The following SOX6 variants were observed in gnomAD, a reference collection of about 807,000 sequenced individuals.
SOX6 encodes the protein SRY-box transcription factor 6.
A neutral mutation model predicts 97.8 loss-of-function variants in SOX6; 11 were observed. That is an observed-to-expected ratio of 0.11 (90% CI 0.07 to 0.19). The LOEUF is 0.19. Ranked by LOEUF, SOX6 falls within the 10% of genes least tolerant of loss-of-function variation. The pLI is 1.00. For missense variants in SOX6, 810 were observed against 1,039.5 expected (o/e 0.78, Z 3.04); for synonymous variants, 360 against 371.4 (o/e 0.97, Z 0.35).
rs183188089 is a variant in SOX6 at position 16,442,365 on chromosome 11, T to C, written c.-5+33950A>G. On this transcript the variant is annotated intron_variant, in intron 1 of 15. Coordinates refer to the SOX6 transcript ENST00000396356. ...ACAAATATTGTAAAGCCTGACCTTA[T>C]GCTTATGTGAAAATGAAACCTGCCT... is the stretch of plus-strand genomic sequence containing the variant. 4.6e-3 allele frequency among the ~76,000 whole-genome samples: 700 copies of C among 152,248 alleles called. 5 individuals are homozygous for C. The highest frequency in any genetic ancestry group is 0.016 in the African/African-American group (677 of 41,568).
At chr11:16,712,974 C>T (rs1034471082) in intron 3 of SOX6, among the ~76,000 whole-genome samples, 2 of 152,112 alleles carry the variant, frequency 1.3e-5, no homozygotes, top group African/African-American at 4.8e-5. Flanking sequence ...ATCATGCTGC[C>T]ACCTTAAAGG....
At chr11:16,692,976 G>A (rs1026104318) in intron 3 of SOX6, among the ~76,000 whole-genome samples, 1 of 152,020 alleles carries the variant, frequency 6.6e-6, no homozygotes, top group African/African-American at 2.4e-5. Context: ...CATATGATTC[G>A]TTCTAATAAT....
chr11:16,019,374 T>C (rs1037087494), intron 12 of SOX6, among the ~76,000 whole-genome samples: 5 of 152,116 alleles, frequency 3.3e-5, no homozygotes, highest in Non-Finnish European at 7.4e-5. Context: ...AGCTCATTTC[T>C]AAGGAGTGTC....
chr11:16,467,664 T>G (rs1342649751), intron 1 of SOX6, among the ~76,000 whole-genome samples: 1 of 152,026 alleles, frequency 6.6e-6, no homozygotes, highest in Non-Finnish European at 1.5e-5. Flanking sequence ...AGGAAGAGGA[T>G]CAGAAAAACT....
chr11:16,459,081 T>C (rs1387143522), intron 1 of SOX6, among the ~76,000 whole-genome samples: 2 of 151,928 alleles, frequency 1.3e-5, no homozygotes, highest in Non-Finnish European at 2.9e-5. Context: ...AAAGATACAC[T>C]TAAAAGGAAC....
intron 4 of SOX6, among the ~76,000 whole-genome samples, chr11:16,550,484 TA>T (rs911818792): frequency 3.3e-5 from 5 of 151,656 alleles, no homozygotes; most frequent in South Asian, 4.2e-4. Context: ...AAAATAATAA[TA>T]AAAAAATAAA....
At chr11:15,981,303 T>C (rs1473945944) in intron 15 of SOX6, among the ~76,000 whole-genome samples, 1 of 152,058 alleles carries the variant, frequency 6.6e-6, no homozygotes, top group Non-Finnish European at 1.5e-5. Context: ...CAGAGATATT[T>C]AAGAACCCTT....
intron 6 of SOX6, among the ~76,000 whole-genome samples, chr11:16,132,389 AGAAAGAAAGAAAAAAGAAAGAAAGAAAG>A (rs1564972216): frequency 1.6e-4 from 14 of 89,344 alleles, no homozygotes; most frequent in Non-Finnish European, 2.6e-4. Context: ...AAAGAAAGAA[AGAAAGAAAGAAAAAAGAAAGAAAGAAAG>A]AAAGAAAGAA....
chr11:16,344,301 C>A (rs552398664), intron 1 of SOX6, among the ~76,000 whole-genome samples: 1 of 151,758 alleles, frequency 6.6e-6, no homozygotes, highest in African/African-American at 2.4e-5. Flanking sequence ...AAAATGTGCA[C>A]AAATTGTTTT....
intron 4 of SOX6, among the ~76,000 whole-genome samples, chr11:16,499,615 C>A (rs1447199170): frequency 2.0e-5 from 3 of 151,956 alleles, no homozygotes; most frequent in Non-Finnish European, 2.9e-5. Flanking sequence ...CAATAAAAAA[C>A]GATAAAAGGA....
intron 2 of SOX6, among the ~76,000 whole-genome samples, chr11:16,732,949 A>C (rs1420266112): frequency 6.6e-6 from 1 of 152,254 alleles, no homozygotes; most frequent in Non-Finnish European, 1.5e-5. Flanking sequence ...ACTTCTCAAA[A>C]GAAGACACTT....
intron 1 of SOX6, among the ~76,000 whole-genome samples, chr11:16,343,490 T>C (rs937704745): frequency 6.6e-6 from 1 of 151,942 alleles, no homozygotes; most frequent in Non-Finnish European, 1.5e-5. Flanking sequence ...ATTTCAACTA[T>C]AAACTGCACC....
intron 9 of SOX6, among the ~76,000 whole-genome samples, chr11:16,061,955 G>T (rs1847967661): frequency 6.6e-6 from 1 of 151,626 alleles, no homozygotes; most frequent in African/African-American, 2.4e-5. Context: ...GAAGACTTAA[G>T]AAAACTCTTC....
chr11:16,675,962 T>C (rs1270500814), intron 3 of SOX6, among the ~76,000 whole-genome samples: 1 of 152,258 alleles, frequency 6.6e-6, no homozygotes, highest in Non-Finnish European at 1.5e-5. Flanking sequence ...TATAGCTTTA[T>C]GTCTTTTGTC....
intron 4 of SOX6, among the ~76,000 whole-genome samples, chr11:16,609,459 T>C (rs1038075002): frequency 5.3e-5 from 8 of 152,236 alleles, no homozygotes; most frequent in African/African-American, 1.9e-4. Context: ...AAAGGACATA[T>C]GGACCAAAAG....
At chr11:16,187,071 T>C in intron 4 of SOX6, 116 bp from the exon 5 acceptor site, 1 of 1,128,538 alleles carries the variant, frequency 8.9e-7, no homozygotes, top group South Asian at 1.3e-5. Flanking sequence ...TCTGGGACAA[T>C]GACTGGAGGC....
chr11:16,520,076 T>C (rs7925641), intron 4 of SOX6, among the ~76,000 whole-genome samples: 37,518 of 152,170 alleles, frequency 0.25, 5,124 homozygotes, highest in East Asian at 0.48. Context: ...TTTGTGTAAA[T>C]TCGTCATAGA....
chr11:16,633,021 T>C (rs1458038614), intron 3 of SOX6, among the ~76,000 whole-genome samples: 2 of 152,082 alleles, frequency 1.3e-5, no homozygotes, highest in African/African-American at 4.8e-5. Flanking sequence ...GGGATCTGCC[T>C]GGGCATGAAG....
At chr11:16,059,685 T>C (rs1198657463) in intron 9 of SOX6, among the ~76,000 whole-genome samples, 2 of 152,016 alleles carry the variant, frequency 1.3e-5, no homozygotes, top group Admixed American at 1.3e-4. Context: ...CTGTATGTAA[T>C]GACTCAGTGG....
Sources: allele counts gnomAD v4.1 joint callset (sites outside exome capture counted in the v4.1 genomes callset), GRCh38; gene constraint gnomAD v4.1.1; transcripts MANE v1.5; gene names NCBI Gene and HGNC (gene_info 2026-07-23, HGNC 2026-07-21).